BET1: variants seen among roughly 807,000 people sequenced by gnomAD.
BET1 encodes the protein BET1 homolog.
BET1 carries 9 observed loss-of-function variants against 13.9 expected under a neutral mutation model. That is an observed-to-expected ratio of 0.65 (90% CI 0.39 to 1.13). The LOEUF is 1.13. Among genes scored for constraint, BET1 ranks in the 50% most tolerant of loss-of-function variants. BET1 has a pLI of 0.01. For missense variants in BET1, 127 were observed against 133.6 expected (o/e 0.95, Z 0.24); for synonymous variants, 39 against 47.3 (o/e 0.82, Z 0.72).
intron 6 of BET1, among the ~76,000 whole-genome samples, chr7:93,970,236 A>G (rs756060218): frequency 1.3e-5 from 2 of 151,824 alleles, no homozygotes; most frequent in Non-Finnish European, 2.9e-5. Context: ...GGAGAAAAAG[A>G]AATAATTAAA....
chr7:94,004,302 T>C lies in BET1; in HGVS notation c.-86A>G. On this transcript the variant is annotated 5_prime_UTR_variant, in exon 1 of 4. Transcript: ENST00000222547. Reference sequence around the variant, plus strand: ...GGGGCGACCCGGACCGCGTCTTCAGTACCAGGGCCCAGCGAAACACCAACT... The same window carrying C: ...GGGGCGACCCGGACCGCGTCTTCAGCACCAGGGCCCAGCGAAACACCAACT... 1.3e-6 allele frequency: 2 copies of C among 1,572,710 alleles called. No individual in the cohort carries two copies. The highest frequency in any genetic ancestry group is 1.1e-5 in the South Asian group (1 of 90,188).
downstream of BET1, among the ~76,000 whole-genome samples, chr7:93,989,606 T>G (rs1425364834): frequency 6.6e-6 from 1 of 152,148 alleles, no homozygotes; most frequent in Non-Finnish European, 1.5e-5. Flanking sequence ...TGACCGGTTG[T>G]GAATGCAAAC....
intron 6 of BET1, among the ~76,000 whole-genome samples, chr7:93,967,460 T>C (rs1357450338): frequency 6.6e-6 from 1 of 151,802 alleles, no homozygotes; most frequent in East Asian, 1.9e-4. Context: ...TCATGTGATA[T>C]TACTGGGATC....
chr7:93,987,107 TTTTTTG>T (rs1278212251), intron 4 of BET1: 1 of 151,968 alleles, frequency 6.6e-6, no homozygotes, highest in Non-Finnish European at 1.5e-5. Context: ...AAAAAAGGGT[TTTTTTG>T]TTTTTGTTTT....
chr7:93,973,488 G>T (rs562611883), intron 5 of BET1, among the ~76,000 whole-genome samples: 1 of 152,056 alleles, frequency 6.6e-6, no homozygotes, highest in African/African-American at 2.4e-5. Flanking sequence ...TAGCTCTGGG[G>T]AGACAAACTC....
At chr7:93,997,884 A>T (rs1359350920) in intron 2 of BET1, among the ~76,000 whole-genome samples, 1 of 152,250 alleles carries the variant, frequency 6.6e-6, no homozygotes, top group Non-Finnish European at 1.5e-5. Flanking sequence ...AATAATGCCA[A>T]TGCAAATCAC....
chr7:93,976,370 G>GTGTA (rs1562800987), intron 4 of BET1, among the ~76,000 whole-genome samples: 2 of 151,488 alleles, frequency 1.3e-5, no homozygotes, highest in African/African-American at 4.9e-5. Flanking sequence ...GTGTGTGTGT[G>GTGTA]TAAACATACA....
intron 4 of BET1, among the ~76,000 whole-genome samples, chr7:93,979,921 C>T (rs1316940302): frequency 6.6e-6 from 1 of 151,972 alleles, no homozygotes; most frequent in South Asian, 2.1e-4. Context: ...CATCGCCCCT[C>T]CACCTGGCTT....
At chr7:93,976,919 GA>G (rs1795345593) in intron 4 of BET1, among the ~76,000 whole-genome samples, 1 of 152,064 alleles carries the variant, frequency 6.6e-6, no homozygotes, top group African/African-American at 2.4e-5. Context: ...TAAGTGAGAA[GA>G]GAAGATATTT....
chr7:94,002,031 C>T (rs887015648), intron 1 of BET1, among the ~76,000 whole-genome samples: 3 of 152,104 alleles, frequency 2.0e-5, no homozygotes, highest in Non-Finnish European at 4.4e-5. Context: ...AACTATGACC[C>T]ATCCCAAATA....
chr7:93,992,156 C>G (rs937460322), downstream of BET1: 1 of 984,756 alleles, frequency 1.0e-6, no homozygotes, highest in African/African-American at 1.8e-5. Context: ...AGGAGCAAGA[C>G]AAAATGCCAG....
intron 4 of BET1, among the ~76,000 whole-genome samples, chr7:93,982,446 A>G (rs1254546101): frequency 1.3e-5 from 2 of 152,134 alleles, no homozygotes; most frequent in African/African-American, 2.4e-5. Flanking sequence ...TACTTTATGA[A>G]CTTATTTGCT....
intron 4 of BET1, among the ~76,000 whole-genome samples, chr7:93,984,873 T>C (rs969606240): frequency 6.6e-6 from 1 of 152,180 alleles, no homozygotes; most frequent in African/African-American, 2.4e-5. Flanking sequence ...AAATGTCAGA[T>C]ATCATGGAGT....
chr7:93,992,676 C>G (rs1463498912), downstream of BET1: 3 of 984,852 alleles, frequency 3.0e-6, no homozygotes, highest in Non-Finnish European at 3.6e-6. Context: ...AAATAACTAC[C>G]TTTTCTGAGA....
intron 4 of BET1, among the ~76,000 whole-genome samples, chr7:93,984,554 A>C (rs936563384): frequency 6.6e-6 from 1 of 152,124 alleles, no homozygotes; most frequent in Non-Finnish European, 1.5e-5. Flanking sequence ...GATGAACCAG[A>C]AACAAAGATA....
intron 6 of BET1, among the ~76,000 whole-genome samples, chr7:93,967,687 A>G (rs930095225): frequency 6.6e-6 from 1 of 151,856 alleles, no homozygotes; most frequent in African/African-American, 2.4e-5. Context: ...AATATCTTGT[A>G]CTGAAGGATA....
chr7:93,996,356 A>G, intron 2 of BET1, 35 bp from the exon 3 acceptor site: 1 of 1,409,506 alleles, frequency 7.1e-7, no homozygotes, highest in East Asian at 2.5e-5. Flanking sequence ...GATTACTCAC[A>G]TAAAAGTATT....
At chr7:94,001,587 CAT>C (rs1217033405) in intron 1 of BET1, among the ~76,000 whole-genome samples, 3 of 152,226 alleles carry the variant, frequency 2.0e-5, no homozygotes, top group African/African-American at 7.2e-5. Context: ...AAGCTCTCCA[CAT>C]GTTTTATTAT....
intron 6 of BET1, chr7:93,969,534 CT>C (rs1279022519): frequency 2.0e-5 from 3 of 151,584 alleles, no homozygotes; most frequent in African/African-American, 7.2e-5. Flanking sequence ...AGATGCTGGA[CT>C]TTTCCCCTAG....
Sources: gnomAD v4.1 joint callset for allele counts (sites outside exome capture counted in the v4.1 genomes callset) on GRCh38, gnomAD v4.1.1 for gene constraint, MANE v1.5 for transcripts, NCBI Gene and HGNC (gene_info 2026-07-23, HGNC 2026-07-21) for gene names.